The following SFMBT2 variants were observed in gnomAD, a reference collection of about 807,000 sequenced individuals.
SFMBT2 encodes the protein scm-like with four MBT domains protein 2.
Under a neutral mutation model 110.1 loss-of-function variants are expected in SFMBT2, and 38 were observed. That is an observed-to-expected ratio of 0.35 (90% CI 0.27 to 0.45). The LOEUF is 0.45. Among genes scored for constraint, SFMBT2 ranks in the 20% least tolerant of loss-of-function variants. The pLI, the probability that SFMBT2 is intolerant of heterozygous loss-of-function variation, is 1.00. For missense variants in SFMBT2, 1,011 were observed against 1,094.9 expected, an observed-to-expected ratio of 0.92 and a Z score of 1.08; for synonymous variants, 425 against 425.4, an observed-to-expected ratio of 1.00 and a Z score of 0.01.
intron 4 of SFMBT2, among the ~76,000 whole-genome samples, chr10:7,318,744 C>A (rs1053877595): frequency 6.6e-6 from 1 of 152,216 alleles, no homozygotes; most frequent in African/African-American, 2.4e-5. Flanking sequence ...TGGGCTAGGA[C>A]AGACGAATGG....
intron 10 of SFMBT2, among the ~76,000 whole-genome samples, chr10:7,221,280 T>C (rs1174264295): frequency 3.9e-5 from 6 of 152,026 alleles, no homozygotes; most frequent in Non-Finnish European, 5.9e-5. Flanking sequence ...TTTTTCGTAG[T>C]AAAAGGTCGG....
At chr10:7,365,823 C>T (rs1488417138) in intron 4 of SFMBT2, among the ~76,000 whole-genome samples, 3 of 151,916 alleles carry the variant, frequency 2.0e-5, no homozygotes, top group Non-Finnish European at 2.9e-5. Context: ...AAGGGTTTTC[C>T]GGGGAGGGGG....
At chr10:7,299,469 A>G (rs1196015300) in intron 4 of SFMBT2, among the ~76,000 whole-genome samples, 1 of 152,240 alleles carries the variant, frequency 6.6e-6, no homozygotes, top group Non-Finnish European at 1.5e-5. Flanking sequence ...GTGGCCAACA[A>G]AGATATTTAA....
chr10:7,376,357 G>A (rs2132069027), intron 2 of SFMBT2, among the ~76,000 whole-genome samples: 1 of 152,062 alleles, frequency 6.6e-6, no homozygotes, highest in East Asian at 1.9e-4. Flanking sequence ...TTTATATTGT[G>A]CCTATTTCAT....
At chr10:7,349,164 G>A (rs1265480773) in intron 4 of SFMBT2, among the ~76,000 whole-genome samples, 1 of 152,096 alleles carries the variant, frequency 6.6e-6, no homozygotes, top group Non-Finnish European at 1.5e-5. Context: ...TAATCCCAGA[G>A]ATCATAAATG....
intron 8 of SFMBT2, among the ~76,000 whole-genome samples, chr10:7,247,396 C>A (rs181277552): frequency 1.1e-3 from 173 of 152,226 alleles, no homozygotes; most frequent in African/African-American, 4.0e-3. Flanking sequence ...GGATTACAGG[C>A]ATGAGTCACT....
chr10:7,286,000 C>T (rs1216394408), intron 4 of SFMBT2, 46 bp from the exon 5 acceptor site: 2 of 828,196 alleles, frequency 2.4e-6, no homozygotes, highest in Admixed American at 1.8e-5. Context: ...ACAAAAAAAA[C>T]ACTTCAACAC....
intron 4 of SFMBT2, chr10:7,287,300 C>T (rs1190002771): frequency 3.1e-5 from 5 of 162,328 alleles, no homozygotes; most frequent in Non-Finnish European, 5.2e-5. Context: ...AAGATGGTCT[C>T]GATCTCCTGA....
chr10:7,353,954 G>A (rs925839454), intron 4 of SFMBT2, among the ~76,000 whole-genome samples: 2 of 151,828 alleles, frequency 1.3e-5, no homozygotes, highest in Non-Finnish European at 2.9e-5. Context: ...GGGTGTGGTG[G>A]TGCGTGCGTG....
intron 4 of SFMBT2, among the ~76,000 whole-genome samples, chr10:7,354,452 A>G (rs1488931954): frequency 6.6e-6 from 1 of 152,184 alleles, no homozygotes; most frequent in African/African-American, 2.4e-5. Context: ...AGTTGGTGAC[A>G]TCCTTCTCAA....
chr10:7,402,723 G>A (rs554693474), intron 1 of SFMBT2, among the ~76,000 whole-genome samples: 9 of 152,310 alleles, frequency 5.9e-5, no homozygotes, highest in African/African-American at 1.7e-4. Flanking sequence ...TGGCAAGACT[G>A]AGGAGGCACA....
intron 15 of SFMBT2, among the ~76,000 whole-genome samples, chr10:7,191,939 G>A (rs1426441605): frequency 6.6e-6 from 1 of 152,064 alleles, no homozygotes; most frequent in Non-Finnish European, 1.5e-5. Context: ...GTTATCATTT[G>A]CTATTGCTTT....
In SFMBT2 at chr10:7,229,337, T is replaced by C. The variant is rs549235722; in HGVS notation, c.1121-1400A>G. Among the ~76,000 whole-genome samples, 10 of 152,010 alleles carry C rather than the reference T, an allele frequency of 6.6e-5. No individual in the cohort carries two copies. The South Asian group carries it at 1.9e-3, about 28-fold the overall frequency. Reference sequence around the variant, plus strand: ...GGCTCACGCCTGTAATCCCAGCACTTTGGGAGGCCGAGGCGGGTGGATCAC... The same window carrying C: ...GGCTCACGCCTGTAATCCCAGCACTCTGGGAGGCCGAGGCGGGTGGATCAC... On this transcript the variant is annotated intron_variant, in intron 9 of 20. Coordinates refer to ENST00000397167, the MANE Select transcript of SFMBT2 (RefSeq NM_001387889.1).
chr10:7,249,635 G>A (rs1054768360), intron 7 of SFMBT2: 26 of 758,924 alleles, frequency 3.4e-5, no homozygotes, highest in Admixed American at 1.9e-4. Flanking sequence ...CTCCAACGAC[G>A]CCACTCTATA....
At chr10:7,180,184 G>A (rs1838203518) in intron 16 of SFMBT2, among the ~76,000 whole-genome samples, 1 of 151,582 alleles carries the variant, frequency 6.6e-6, no homozygotes, top group Admixed American at 6.6e-5. Flanking sequence ...GTGCAATGGT[G>A]CAAGAGCTCA....
At chr10:7,353,014 T>C (rs1407220245) in intron 4 of SFMBT2, among the ~76,000 whole-genome samples, 1 of 149,940 alleles carries the variant, frequency 6.7e-6, no homozygotes, top group Non-Finnish European at 1.5e-5. Flanking sequence ...CATCTCAAAA[T>C]AAATAAAAAT....
chr10:7,195,442 C>T (rs148605720), intron 15 of SFMBT2, among the ~76,000 whole-genome samples: 13 of 152,270 alleles, frequency 8.5e-5, no homozygotes, highest in African/African-American at 2.6e-4. Context: ...TAGTGAGATG[C>T]GTACTGTTCG....
chr10:7,230,272 T>G (rs746781352), intron 9 of SFMBT2, among the ~76,000 whole-genome samples: 2 of 152,166 alleles, frequency 1.3e-5, no homozygotes, highest in Non-Finnish European at 2.9e-5. Context: ...CCCCTCCAGC[T>G]AAATGGCTCC....
chr10:7,350,565 C>T (rs1028760543), intron 4 of SFMBT2, among the ~76,000 whole-genome samples: 2 of 152,192 alleles, frequency 1.3e-5, no homozygotes, highest in African/African-American at 2.4e-5. Context: ...TCTTGAAATA[C>T]AAATATGTTT....
Sources: gnomAD v4.1 joint callset for allele counts (sites outside exome capture counted in the v4.1 genomes callset) on GRCh38, gnomAD v4.1.1 for gene constraint, MANE v1.5 for transcripts, NCBI Gene and HGNC (gene_info 2026-07-23, HGNC 2026-07-21) for gene names.